TRAPPC12: variants seen among roughly 807,000 people sequenced by gnomAD.
TRAPPC12 encodes the protein TPR repeat protein 15.
Under a neutral mutation model 69.2 loss-of-function variants are expected in TRAPPC12, and 61 were observed. The ratio of observed to expected loss-of-function variants is 0.88; its 90% confidence interval spans 0.72 to 1.09. The LOEUF is 1.09. Ranked by LOEUF, TRAPPC12 falls within the 50% of genes least tolerant of loss-of-function variation. The pLI, the probability that TRAPPC12 is intolerant of heterozygous loss-of-function variation, is 0.00. For synonymous variants in TRAPPC12, 469 were observed against 438.9 expected (o/e 1.07, Z -0.86); for missense variants, 1,101 against 1,016.4 (o/e 1.08, Z -1.13).
At chr2:3,423,402 A>C (rs562181162) in intron 4 of TRAPPC12, among the ~76,000 whole-genome samples, 3 of 151,418 alleles carry the variant, frequency 2.0e-5, no homozygotes, top group Non-Finnish European at 4.4e-5. Context: ...ATACATTGTA[A>C]CTGTGTCACC....
intron 6 of TRAPPC12, among the ~76,000 whole-genome samples, chr2:3,444,699 T>A (rs916699190): frequency 6.6e-6 from 1 of 152,216 alleles, no homozygotes; most frequent in African/African-American, 2.4e-5. Context: ...ACTTCCTAAC[T>A]GTTGTGGTAG....
chr2:3,458,656 G>A (rs1259194335), intron 7 of TRAPPC12, among the ~76,000 whole-genome samples: 1 of 152,218 alleles, frequency 6.6e-6, no homozygotes, highest in Non-Finnish European at 1.5e-5. Context: ...CTGAAGGAGA[G>A]ACGGCACTGT....
At position 3,417,412 on chromosome 2, in the gene TRAPPC12, C is replaced by G. The variant is rs562433886; in HGVS notation, c.1165-4469C>G. Among the ~76,000 whole-genome samples, 472 of 151,718 alleles carry G rather than the reference C, an allele frequency of 3.1e-3. 3 individuals carry two copies. The highest frequency in any genetic ancestry group is 0.028 in the South Asian group (133 of 4,818). On this transcript the variant is annotated intron_variant, in intron 3 of 11. Coordinates refer to ENST00000324266, the MANE Select transcript of TRAPPC12 (RefSeq NM_016030.6). ...GACCACGTGCAGTCTTTAGACTGCCCTAGTCGGTCTGTACGCTGCAGCTGG... is the reference window on the plus strand; with the variant it reads ...GACCACGTGCAGTCTTTAGACTGCCGTAGTCGGTCTGTACGCTGCAGCTGG...
Position 3,419,949 on chromosome 2 carries a change from C to T in TRAPPC12, c.1165-1932C>T, listed in dbSNP as rs533396311. 4.6e-5 allele frequency among the ~76,000 whole-genome samples: 7 copies of T among 152,324 alleles called. No homozygotes were observed. In the East Asian group the frequency reaches 9.6e-4, roughly 21 times the overall value. On this transcript the variant is annotated intron_variant, in intron 3 of 11. Transcript: ENST00000324266. ...ACGGCCACTTAGGAAGACAGCTTGG[C>T]GGCCTCCTACAACACTAAACATACT...
intron 6 of TRAPPC12, chr2:3,457,302 G>C (rs577754980): frequency 3.0e-5 from 12 of 397,082 alleles, no homozygotes; most frequent in Non-Finnish European, 5.3e-5. Flanking sequence ...GGGAGGGTGG[G>C]ATGGGAGGAA....
chr2:3,447,267 T>C (rs1359347332), intron 6 of TRAPPC12, among the ~76,000 whole-genome samples: 1 of 152,114 alleles, frequency 6.6e-6, no homozygotes, highest in East Asian at 1.9e-4. Context: ...CTGGCTAATT[T>C]TTCTATTTTT....
At chr2:3,456,936 G>A in intron 6 of TRAPPC12, 1 of 353,472 alleles carries the variant, frequency 2.8e-6, no homozygotes, top group Non-Finnish European at 5.5e-6. Context: ...CCCCATGTAT[G>A]ATGTCTGCAG....
At chr2:3,467,195 A>G (rs1180446639) in intron 9 of TRAPPC12, among the ~76,000 whole-genome samples, 3 of 152,176 alleles carry the variant, frequency 2.0e-5, no homozygotes, top group Non-Finnish European at 4.4e-5. Context: ...CTGCAAGGGA[A>G]GCCCTCGGTG....
rs1163769514 is a variant in TRAPPC12, at chr2:3,465,900, T to G, written c.1776+205T>G. 6.8e-6 allele frequency: 4 copies of G among 584,758 alleles called. No individual in the cohort carries two copies. In the East Asian group the frequency reaches 8.6e-5, roughly 13 times the overall value. The allele number at this position is 584,758 out of a possible 1,614,324, so 36.2% of individuals were successfully genotyped here. A position where few individuals can be genotyped will look rare whatever the true frequency, so the allele number is the denominator to read the frequency against. ...AGGCCCTGCTGGCTTTTGTGCCTGT[T>G]GCTAAATGTGAACCCACAGAAAGTG... On this transcript the variant is annotated intron_variant, in intron 9 of 11. Transcript: ENST00000324266.
intron 5 of TRAPPC12, among the ~76,000 whole-genome samples, chr2:3,442,219 T>G (rs1223104756): frequency 2.0e-5 from 3 of 150,338 alleles, no homozygotes; most frequent in Non-Finnish European, 4.5e-5. Context: ...TAGTCCCAAG[T>G]TGGGTTTGAG....
At chr2:3,392,697 G>T (rs961762537) in intron 2 of TRAPPC12, among the ~76,000 whole-genome samples, 1 of 152,240 alleles carries the variant, frequency 6.6e-6, no homozygotes, top group African/African-American at 2.4e-5. Context: ...AAGAGTTGGT[G>T]AGGGTGTGGA....
At position 3,460,256 on chromosome 2, in the gene TRAPPC12, C is replaced by T. The variant is rs368956456; in HGVS notation, c.1604-7C>T. On this transcript the variant is annotated splice_polypyrimidine_tract_variant and splice_region_variant and intron_variant, in intron 7 of 11. Transcript: ENST00000324266. ...TTGTGCACTTACAGGCTGCTCTTAC[C>T]TTGTAGCCTCTATCCGGCTGTGGAG... The T allele has an allele frequency of 1.3e-5, 11 of 873,128 alleles. No individual in the cohort carries two copies. In the East Asian group the frequency reaches 2.2e-4, roughly 17 times the overall value. The allele number at this position is 873,128 out of a possible 1,614,324, so 54.1% of individuals were successfully genotyped here.
chr2:3,443,914 C>T (rs772960954), intron 6 of TRAPPC12, 23 bp downstream of exon 6: 5 of 1,581,034 alleles, frequency 3.2e-6, no homozygotes, highest in Non-Finnish European at 2.6e-6. Flanking sequence ...GTCATTCTTC[C>T]CTGCCACGGG....
intron 8 of TRAPPC12, chr2:3,461,039 C>T (rs7585799): frequency 0.42 from 63,551 of 152,174 alleles, 13,471 homozygotes; most frequent in Middle Eastern, 0.5. Flanking sequence ...GAGCAGTGCT[C>T]GTAACACCTC....
Position 3,393,621 on chromosome 2 carries a change from A to G in TRAPPC12, c.1047+4951A>G, listed in dbSNP as rs1356385995. ...AAATGATCATATATACCTTGAATATATATAATTTGTATTTGTCAACTAAAT... is the reference window on the plus strand; with the variant it reads ...AAATGATCATATATACCTTGAATATGTATAATTTGTATTTGTCAACTAAAT... On this transcript the variant is annotated intron_variant, in intron 2 of 11. Coordinates refer to ENST00000324266, the MANE Select transcript of TRAPPC12 (RefSeq NM_016030.6). 2.6e-5 allele frequency among the ~76,000 whole-genome samples: 4 copies of G among 152,064 alleles called. No individual in the cohort carries two copies. In the East Asian group the frequency reaches 5.8e-4, roughly 22 times the overall value.
In TRAPPC12 at chr2:3,402,815, G is replaced by A. The variant is rs527394433; in HGVS notation, c.1164+922G>A. 9.9e-5 allele frequency among the ~76,000 whole-genome samples: 15 copies of A among 152,246 alleles called. No homozygotes were observed. The South Asian group carries it at 2.7e-3, about 27-fold the overall frequency. On this transcript the variant is annotated intron_variant, in intron 3 of 11. Coordinates refer to ENST00000324266, the MANE Select transcript of TRAPPC12 (RefSeq NM_016030.6). Reference sequence around the variant, plus strand: ...TGAAATGAGAGCCCCATCTCACACCGAATCTCAGCTCCCCAGTGTTGTCTC... The same window carrying A: ...TGAAATGAGAGCCCCATCTCACACCAAATCTCAGCTCCCCAGTGTTGTCTC...
intron 9 of TRAPPC12, among the ~76,000 whole-genome samples, chr2:3,474,206 GA>G (rs1221921677): frequency 6.6e-6 from 1 of 152,184 alleles, no homozygotes; most frequent in African/African-American, 2.4e-5. Flanking sequence ...TAGAATAGAT[GA>G]ATCTATGAAG....
intron 6 of TRAPPC12, chr2:3,456,855 A>G: frequency 3.4e-6 from 1 of 296,220 alleles, no homozygotes. Context: ...TTGGGATTAC[A>G]GGCTTGAGCC....
At chr2:3,447,930 C>G (rs1169149985) in intron 6 of TRAPPC12, among the ~76,000 whole-genome samples, 1 of 152,196 alleles carries the variant, frequency 6.6e-6, no homozygotes, top group Non-Finnish European at 1.5e-5. Context: ...AGTGAGACCT[C>G]TCGGTCCGTG....
Sources: allele counts gnomAD v4.1 joint callset (sites outside exome capture counted in the v4.1 genomes callset), GRCh38; gene constraint gnomAD v4.1.1; transcripts MANE v1.5; gene names NCBI Gene and HGNC (gene_info 2026-07-23, HGNC 2026-07-21).